The following MIPOL1 variants were observed in gnomAD, a reference collection of about 807,000 sequenced individuals.
MIPOL1 encodes mirror-image polydactyly 1.
A neutral mutation model predicts 60.9 loss-of-function variants in MIPOL1; 57 were observed. That is an observed-to-expected ratio of 0.94 (90% CI 0.76 to 1.17). The LOEUF is 1.17. MIPOL1 is among the 50% of genes most tolerant of loss of function. The pLI is 0.00. For missense variants in MIPOL1, 551 were observed against 511.6 expected (o/e 1.08, Z -0.74); for synonymous variants, 179 against 168.8 (o/e 1.06, Z -0.47).
At chr14:37,536,580 A>G (rs1164533183) in intron 12 of MIPOL1, among the ~76,000 whole-genome samples, 3 of 152,200 alleles carry the variant, frequency 2.0e-5, no homozygotes, top group Non-Finnish European at 4.4e-5. Flanking sequence ...AAATGAGTGA[A>G]GTATCATTCG....
intron 10 of MIPOL1, among the ~76,000 whole-genome samples, chr14:37,394,022 C>T (rs1367612050): frequency 7.7e-6 from 1 of 130,604 alleles, no homozygotes; most frequent in Non-Finnish European, 1.6e-5. Context: ...GCTGCAAATG[C>T]CGTTAATTCA....
chr14:37,336,520 T>C (rs1020837986), intron 9 of MIPOL1, among the ~76,000 whole-genome samples: 3 of 151,764 alleles, frequency 2.0e-5, no homozygotes, highest in African/African-American at 7.2e-5. Flanking sequence ...TTGGAATTTC[T>C]TTTTCGTTCT....
chr14:37,512,038 A>G (rs2095331940), intron 12 of MIPOL1, among the ~76,000 whole-genome samples: 2 of 152,178 alleles, frequency 1.3e-5, no homozygotes, highest in Non-Finnish European at 2.9e-5. Context: ...TGCTCATCTT[A>G]AATTTTTATA....
At chr14:37,385,378 G>A (rs950087583) in intron 10 of MIPOL1, 1 of 152,004 alleles carries the variant, frequency 6.6e-6, no homozygotes, top group Admixed American at 6.6e-5. Context: ...TTCTTTTCGG[G>A]TATTGCTTTA....
chr14:37,376,729 G>C (rs1340165975), intron 10 of MIPOL1, among the ~76,000 whole-genome samples: 4 of 152,062 alleles, frequency 2.6e-5, no homozygotes, highest in African/African-American at 9.7e-5. Flanking sequence ...TATGAATAAA[G>C]TTTCTATAAA....
At chr14:37,349,076 C>A (rs1029323761) in intron 9 of MIPOL1, among the ~76,000 whole-genome samples, 2 of 148,608 alleles carry the variant, frequency 1.3e-5, no homozygotes, top group South Asian at 2.1e-4. Flanking sequence ...GCAGTCTCCA[C>A]CTCCCAGGTT....
chr14:37,538,644 C>A (rs1030215190), intron 12 of MIPOL1, among the ~76,000 whole-genome samples: 18 of 152,134 alleles, frequency 1.2e-4, no homozygotes, highest in Non-Finnish European at 2.2e-4. Flanking sequence ...CCCTTTGAAT[C>A]TGGGCTGGCT....
chr14:37,318,923 T>C (rs911045582), intron 9 of MIPOL1, among the ~76,000 whole-genome samples: 1 of 152,060 alleles, frequency 6.6e-6, no homozygotes, highest in Non-Finnish European at 1.5e-5. Flanking sequence ...CACTGCAGCC[T>C]TGACGTCCCA....
At chr14:37,334,047 G>A (rs2089933292) in intron 9 of MIPOL1, among the ~76,000 whole-genome samples, 1 of 151,950 alleles carries the variant, frequency 6.6e-6, no homozygotes, top group Non-Finnish European at 1.5e-5. Context: ...TTTAGAATAG[G>A]AAATTAAGCA....
chr14:37,249,342 C>T (rs903456859), intron 3 of MIPOL1, among the ~76,000 whole-genome samples: 9 of 151,978 alleles, frequency 5.9e-5, no homozygotes, highest in African/African-American at 2.2e-4. Context: ...AGGTTAAAGT[C>T]CATTTTTGAG....
intron 11 of MIPOL1, among the ~76,000 whole-genome samples, chr14:37,460,968 A>G (rs2094532457): frequency 6.6e-6 from 1 of 152,238 alleles, no homozygotes; most frequent in African/African-American, 2.4e-5. Context: ...CTATCAAATT[A>G]CCAGCATCAT....
chr14:37,297,655 C>A (rs530299276), intron 7 of MIPOL1, among the ~76,000 whole-genome samples: 5 of 152,096 alleles, frequency 3.3e-5, no homozygotes, highest in African/African-American at 1.2e-4. Context: ...TTCTTATACA[C>A]CAATAACAGA....
chr14:37,521,885 GAAAAAAAAA>G (rs2095415206), intron 12 of MIPOL1, among the ~76,000 whole-genome samples: 1 of 130,354 alleles, frequency 7.7e-6, no homozygotes, highest in African/African-American at 2.9e-5. Context: ...TTTATCTAAA[GAAAAAAAAA>G]TATATATATA....
At chr14:37,464,868 T>G (rs1210068756) in intron 11 of MIPOL1, among the ~76,000 whole-genome samples, 1 of 152,220 alleles carries the variant, frequency 6.6e-6, no homozygotes, top group Non-Finnish European at 1.5e-5. Flanking sequence ...TATTTTAGCA[T>G]CAGTGTAACA....
intron 1 of MIPOL1, among the ~76,000 whole-genome samples, chr14:37,220,417 T>A (rs1166879390): frequency 6.6e-6 from 1 of 152,224 alleles, no homozygotes; most frequent in African/African-American, 2.4e-5. Flanking sequence ...CTTTAATACT[T>A]TTATTATCTT....
chr14:37,315,909 AGAG>A (rs1302977491), intron 9 of MIPOL1, among the ~76,000 whole-genome samples: 3 of 152,130 alleles, frequency 2.0e-5, no homozygotes, highest in Non-Finnish European at 2.9e-5. Flanking sequence ...GTTGGGCAAA[AGAG>A]GAGGAGCCAG....
At chr14:37,399,125 C>G (rs1353855477) in intron 10 of MIPOL1, among the ~76,000 whole-genome samples, 1 of 152,108 alleles carries the variant, frequency 6.6e-6, no homozygotes, top group Admixed American at 6.5e-5. Context: ...TTTGTTTGTC[C>G]ATAAGACAAT....
At chr14:37,544,160 G>A (rs2095539326) in intron 12 of MIPOL1, among the ~76,000 whole-genome samples, 2 of 151,830 alleles carry the variant, frequency 1.3e-5, no homozygotes, top group African/African-American at 4.8e-5. Context: ...TGTCATCAAG[G>A]GAGCAAAATG....
At chr14:37,350,966 G>A (rs1408593512) in intron 9 of MIPOL1, among the ~76,000 whole-genome samples, 1 of 151,298 alleles carries the variant, frequency 6.6e-6, no homozygotes, top group Non-Finnish European at 1.5e-5. Context: ...GTGCAGGTTA[G>A]TTACATATGT....
Sources: allele counts gnomAD v4.1 joint callset (sites outside exome capture counted in the v4.1 genomes callset), GRCh38; gene constraint gnomAD v4.1.1; transcripts MANE v1.5; gene names NCBI Gene and HGNC (gene_info 2026-07-23, HGNC 2026-07-21).